Variants in SOX5 observed in about 807,000 individuals in gnomAD.
SOX5 encodes the protein transcription factor SOX-5.
In SOX5, 9 loss-of-function variants were observed where a neutral mutation model predicts 92.0. The observed-to-expected ratio is 0.10, with a 90% CI of 0.06 to 0.17. SOX5 has a LOEUF of 0.17. SOX5 is among the 10% of genes least tolerant of loss of function. The pLI, the probability that SOX5 is intolerant of heterozygous loss-of-function variation, is 1.00. For missense variants in SOX5, 642 were observed against 944.5 expected, an observed-to-expected ratio of 0.68 and a Z score of 4.20; for synonymous variants, 344 against 336.3, an observed-to-expected ratio of 1.02 and a Z score of -0.25.
chr12:23,584,694 G>T, intron 9 of SOX5: 2 of 883,180 alleles, frequency 2.3e-6, no homozygotes, highest in Non-Finnish European at 3.7e-6. Context: ...AGGCCAAATT[G>T]TCTAAGGCAC....
chr12:23,770,468 G>A (rs1474732642), intron 3 of SOX5, among the ~76,000 whole-genome samples: 1 of 152,130 alleles, frequency 6.6e-6, no homozygotes, highest in Non-Finnish European at 1.5e-5. Context: ...TAAATGCTGG[G>A]TGTGTAAGGT....
At chr12:24,142,224 G>C (rs892338820) in intron 4 of SOX5, among the ~76,000 whole-genome samples, 7 of 152,120 alleles carry the variant, frequency 4.6e-5, no homozygotes, top group Admixed American at 1.3e-4. Flanking sequence ...AAGGAGATTG[G>C]GGGTAAGCAG....
At chr12:23,661,715 C>T (rs1294670536) in intron 7 of SOX5, among the ~76,000 whole-genome samples, 2 of 152,196 alleles carry the variant, frequency 1.3e-5, no homozygotes, top group African/African-American at 4.8e-5. Flanking sequence ...TAGGATACTA[C>T]TCAGACTTTC....
intron 1 of SOX5, among the ~76,000 whole-genome samples, chr12:24,409,274 T>A (rs183338747): frequency 4.4e-4 from 67 of 151,292 alleles, no homozygotes; most frequent in Non-Finnish European, 8.1e-4. Context: ...TAAGTGGGAG[T>A]TGAACATTGA....
intron 1 of SOX5, among the ~76,000 whole-genome samples, chr12:24,465,092 G>A (rs888424872): frequency 2.0e-5 from 3 of 152,172 alleles, no homozygotes; most frequent in Non-Finnish European, 4.4e-5. Context: ...TGTGTGAAGG[G>A]CTTTATCTCT....
At chr12:24,518,874 G>C (rs1950024602) in intron 1 of SOX5, among the ~76,000 whole-genome samples, 1 of 152,036 alleles carries the variant, frequency 6.6e-6, no homozygotes. Flanking sequence ...TATGATATTT[G>C]TATTAATATT....
At chr12:23,604,595 T>C (rs1331330955) in intron 8 of SOX5, 62 bp from the exon 9 acceptor site, 9 of 1,495,116 alleles carry the variant, frequency 6.0e-6, no homozygotes, top group Non-Finnish European at 8.4e-6. Context: ...AAACGTACCA[T>C]TCAGAAAGTA....
At chr12:24,290,387 T>C (rs962567615) in intron 2 of SOX5, among the ~76,000 whole-genome samples, 10 of 152,198 alleles carry the variant, frequency 6.6e-5, no homozygotes, top group Non-Finnish European at 1.3e-4. Context: ...TCAGCATTAA[T>C]TGAGTGGTTT....
In SOX5 at chr12:24,139,738, C is replaced by T. The variant is rs145921454; in HGVS notation, c.-2+73605G>A. Among the ~76,000 whole-genome samples the T allele has an allele frequency of 4.3e-3, 651 of 152,268 alleles. 5 individuals are homozygous for T. Among genetic ancestry groups the T allele is most frequent in the African/African-American group, 0.015 (615 of 41,556 alleles). On this transcript the variant is annotated intron_variant, in intron 4 of 4. Transcript: ENST00000446891. Reference sequence around the variant, plus strand: ...TTTAAAAATTGGAGCATTTTAAATTCGGCTTAACGGGTGATTCTTTTTAGC... The same window carrying T: ...TTTAAAAATTGGAGCATTTTAAATTTGGCTTAACGGGTGATTCTTTTTAGC...
At chr12:24,220,976 A>G (rs1375351986) in intron 3 of SOX5, among the ~76,000 whole-genome samples, 1 of 152,150 alleles carries the variant, frequency 6.6e-6, no homozygotes, top group Non-Finnish European at 1.5e-5. Context: ...TTTCACAACT[A>G]CCCCATGAAG....
intron 3 of SOX5, among the ~76,000 whole-genome samples, chr12:23,809,760 CTTTTTTT>C (rs34337302): frequency 7.5e-6 from 1 of 133,328 alleles, no homozygotes; most frequent in Non-Finnish European, 1.6e-5. Flanking sequence ...AAATGAAAGT[CTTTTTTT>C]TTTTTTTTTT....
At chr12:24,388,463 G>T (rs547982652) in intron 1 of SOX5, among the ~76,000 whole-genome samples, 2 of 152,102 alleles carry the variant, frequency 1.3e-5, no homozygotes, top group African/African-American at 2.4e-5. Flanking sequence ...GCACGGTGAT[G>T]TCTCTCCATT....
chr12:23,954,001 C>A (rs1945979567), upstream of SOX5, among the ~76,000 whole-genome samples: 1 of 152,018 alleles, frequency 6.6e-6, no homozygotes, highest in African/African-American at 2.4e-5. Flanking sequence ...CTCAAAGAGA[C>A]TATCAAGAAC....
At chr12:24,254,639 G>A (rs1940817968) in intron 3 of SOX5, among the ~76,000 whole-genome samples, 1 of 151,492 alleles carries the variant, frequency 6.6e-6, no homozygotes, top group African/African-American at 2.4e-5. Context: ...GTATCACTTG[G>A]GTTATCAAGT....
intron 4 of SOX5, among the ~76,000 whole-genome samples, chr12:24,054,971 G>C (rs564802336): frequency 3.3e-5 from 5 of 152,074 alleles, no homozygotes; most frequent in South Asian, 4.1e-4. Flanking sequence ...ATGGGGGAGA[G>C]ATTTTTTCCT....
At chr12:23,534,579 G>T in intron 14 of SOX5, 57 bp from the exon 15 acceptor site, 1 of 1,344,846 alleles carries the variant, frequency 7.4e-7, no homozygotes, top group South Asian at 1.3e-5. Context: ...GTTAGATGTG[G>T]ACTTTACTAC....
chr12:24,290,928 G>A (rs1016624214), intron 2 of SOX5, among the ~76,000 whole-genome samples: 11 of 152,152 alleles, frequency 7.2e-5, no homozygotes, highest in African/African-American at 2.7e-4. Flanking sequence ...GGAAACAGAA[G>A]CCCAGACACA....
chr12:23,776,066 A>T (rs1024748729), intron 3 of SOX5, among the ~76,000 whole-genome samples: 1 of 152,186 alleles, frequency 6.6e-6, no homozygotes, highest in African/African-American at 2.4e-5. Context: ...TCTTTCACTG[A>T]ATTAAGTAAT....
intron 3 of SOX5, among the ~76,000 whole-genome samples, chr12:24,276,393 G>T (rs56135370): frequency 0.039 from 5,903 of 152,158 alleles, 404 homozygotes; most frequent in African/African-American, 0.13. Context: ...TCATAACACT[G>T]TAAGAGCAGA....
Sources: allele counts gnomAD v4.1 joint callset (sites outside exome capture counted in the v4.1 genomes callset), GRCh38; gene constraint gnomAD v4.1.1; transcripts MANE v1.5; gene names NCBI Gene and HGNC (gene_info 2026-07-23, HGNC 2026-07-21).